The following NHSL2 variants were observed in gnomAD, a reference collection of about 807,000 sequenced individuals.
NHSL2 encodes NHS like 2.
Under a neutral mutation model 53.4 loss-of-function variants are expected in NHSL2, and 27 were observed. The observed-to-expected ratio is 0.51, with a 90% CI of 0.37 to 0.70. The LOEUF (loss-of-function observed/expected upper bound fraction) is 0.70. Among genes scored for constraint, NHSL2 ranks in the 30% least tolerant of loss-of-function variants. The probability of loss-of-function intolerance (pLI) is 0.00; values close to 1 mark genes in which losing one functional copy is unlikely to be tolerated. For missense variants in NHSL2, 892 were observed against 980.1 expected, an observed-to-expected ratio of 0.91 and a Z score of 1.20; for synonymous variants, 408 against 404.1, an observed-to-expected ratio of 1.01 and a Z score of -0.12.
chrX:72,071,521 A>G (rs1290594569), intron 1 of NHSL2, among the ~76,000 whole-genome samples: 1 of 111,821 alleles, frequency 8.9e-6, no homozygotes. Context: ...CGTAGTAGCT[A>G]TGGGAACAGC....
At chrX:72,084,454 G>A (rs1226497127) in intron 1 of NHSL2, among the ~76,000 whole-genome samples, 2 of 112,401 alleles carry the variant, frequency 1.8e-5, no homozygotes, top group Non-Finnish European at 3.8e-5. Flanking sequence ...GGACTATGAT[G>A]CTGTCCTAAT....
rs765436963 is a variant in NHSL2 at position 72,069,417 on chromosome X, A to AAG, written c.281-62646_281-62645dup. ...AAAGGGAGGGGGAGAGAGAGGGAGG[A>AAG]AGAGAGAGAGAGAGAGACTGAGAGA... On this transcript the variant is annotated intron_variant, in intron 1 of 7. Transcript: ENST00000633930. 1.3e-3 allele frequency among the ~76,000 whole-genome samples: 135 copies of AAG among 105,813 alleles called. 1 individual carries two copies. The highest frequency in any genetic ancestry group is 4.3e-3 in the African/African-American group (126 of 29,042). The allele number at this position is 105,813 out of a possible 115,157, so 91.9% of individuals were successfully genotyped here. A position where few individuals can be genotyped will look rare whatever the true frequency, so the allele number is the denominator to read the frequency against.
At chrX:71,954,916 T>A (rs1486573963) in intron 1 of NHSL2, among the ~76,000 whole-genome samples, 2 of 112,173 alleles carry the variant, frequency 1.8e-5, no homozygotes, top group East Asian at 5.6e-4. Context: ...TTAACCCTAT[T>A]CCCCTAAAAC....
chrX:72,016,072 C>T (rs1227828769), intron 1 of NHSL2, among the ~76,000 whole-genome samples: 1 of 112,226 alleles, frequency 8.9e-6, no homozygotes, highest in African/African-American at 3.2e-5. Flanking sequence ...ACCAAAGTCA[C>T]AAATATATAA....
chrX:72,142,305 T>C lies in NHSL2; in HGVS notation c.3297T>C (p.Asp1099=). 1.7e-6 allele frequency: 2 copies of C among 1,158,886 alleles called. No individual in the cohort carries two copies. Among genetic ancestry groups the C allele is most frequent in the Non-Finnish European group, 2.3e-6 (2 of 865,173 alleles). The change falls in exon 7 of 8, where the codon GAT becomes GAC. Residue 1099 remains aspartate, a synonymous_variant. Coordinates refer to ENST00000633930, the MANE Select transcript of NHSL2 (RefSeq NM_001013627.3). ...SDKTAEWIAE[D]DDDVFVASRT... ...AAACAGCTGAATGGATTGCAGAGGATGATGATGACGTGTTTGTGGCTTCAC... is the reference window on the plus strand; with the variant it reads ...AAACAGCTGAATGGATTGCAGAGGACGATGATGACGTGTTTGTGGCTTCAC...
intron 1 of NHSL2, among the ~76,000 whole-genome samples, chrX:71,931,411 T>C (rs2041712326): frequency 8.9e-6 from 1 of 112,462 alleles, no homozygotes; most frequent in Non-Finnish European, 1.9e-5. Context: ...TGCTTGTCCT[T>C]TTGCCATCAT....
intron 1 of NHSL2, among the ~76,000 whole-genome samples, chrX:72,050,890 CAAA>C (rs557133029): frequency 5.4e-4 from 51 of 93,823 alleles, no homozygotes; most frequent in Middle Eastern, 5.2e-3. Flanking sequence ...CTCCATCTAT[CAAA>C]AAAAAAAAAA....
chrX:71,977,324 C>G, intron 1 of NHSL2, among the ~76,000 whole-genome samples: 1 of 111,854 alleles, frequency 8.9e-6, no homozygotes, highest in Non-Finnish European at 1.9e-5. Context: ...TGAAAGCTCT[C>G]AGAACATTGC....
intron 1 of NHSL2, among the ~76,000 whole-genome samples, chrX:71,988,465 A>G (rs931857268): frequency 9.0e-6 from 1 of 111,219 alleles, no homozygotes; most frequent in Non-Finnish European, 1.9e-5. Flanking sequence ...CAACCCCCTA[A>G]ATCTTAGAAG....
At chrX:71,913,663 G>A (rs764870214) in intron 1 of NHSL2, among the ~76,000 whole-genome samples, 3 of 111,927 alleles carry the variant, frequency 2.7e-5, no homozygotes, top group Non-Finnish European at 5.6e-5. Context: ...AGAAACCTGG[G>A]AAGGTGGGAG....
intron 1 of NHSL2, among the ~76,000 whole-genome samples, chrX:72,116,674 A>G (rs1427897250): frequency 9.0e-6 from 1 of 111,365 alleles, no homozygotes; most frequent in Non-Finnish European, 1.9e-5. Flanking sequence ...ACTGGAGAAA[A>G]TCAAGCTCAA....
intron 1 of NHSL2, chrX:72,131,148 C>G (rs748579856): frequency 1.7e-6 from 2 of 1,185,487 alleles, no homozygotes; most frequent in Non-Finnish European, 2.3e-6. Flanking sequence ...CGGGCGGAGG[C>G]AGCGCCGGCG....
chrX:71,963,992 TGTATATAC>T lies in NHSL2; in HGVS notation c.280+52626_280+52633del, dbSNP rs1166775538. Among the ~76,000 whole-genome samples the T allele has an allele frequency of 6.7e-4, 36 of 54,038 alleles. 2 individuals are homozygous for T. The highest frequency in any genetic ancestry group is 1.2e-3 in the African/African-American group (13 of 10,943). The allele number at this position is 54,038 out of a possible 115,157, so 46.9% of individuals were successfully genotyped here. A position where few individuals can be genotyped will look rare whatever the true frequency, so the allele number is the denominator to read the frequency against. On this transcript the variant is annotated intron_variant, in intron 1 of 7. Transcript: ENST00000633930. ...ATATATACATATATATATATATATA[TGTATATAC>T]ATATATATATGTATATATATATATG...
intron 1 of NHSL2, chrX:72,129,697 A>G: frequency 1.6e-6 from 1 of 627,214 alleles, no homozygotes; most frequent in Non-Finnish European, 2.4e-6. Flanking sequence ...GGAATTCTGC[A>G]GGTCTTCTTC....
intron 1 of NHSL2, among the ~76,000 whole-genome samples, chrX:72,052,047 C>T (rs1315960577): frequency 1.8e-5 from 2 of 112,382 alleles, no homozygotes; most frequent in Admixed American, 9.4e-5. Context: ...AGCCTCTTGA[C>T]TCTTTTGCTT....
At chrX:71,946,318 G>C in intron 1 of NHSL2, among the ~76,000 whole-genome samples, 1 of 112,431 alleles carries the variant, frequency 8.9e-6, no homozygotes, top group Admixed American at 9.4e-5. Flanking sequence ...AGAGGGCATA[G>C]CCTGCCTGTT....
intron 1 of NHSL2, among the ~76,000 whole-genome samples, chrX:72,011,447 G>A (rs888731510): frequency 1.7e-4 from 19 of 112,336 alleles, no homozygotes; most frequent in Admixed American, 4.7e-4. Context: ...CAAGGTGGGC[G>A]GATCACGAGG....
intron 1 of NHSL2, among the ~76,000 whole-genome samples, chrX:71,923,469 T>A (rs906405924): frequency 1.8e-5 from 2 of 112,233 alleles, no homozygotes; most frequent in Non-Finnish European, 3.8e-5. Context: ...TTGAGACCCC[T>A]TTGCAGGGTA....
At chrX:72,121,657 CCGTAG>C (rs2042182340) in intron 1 of NHSL2, among the ~76,000 whole-genome samples, 1 of 111,972 alleles carries the variant, frequency 8.9e-6, no homozygotes, top group South Asian at 3.7e-4. Flanking sequence ...CAGCTTGTCC[CCGTAG>C]CTGACAGCGC....
Sources: gnomAD v4.1 joint callset for allele counts (sites outside exome capture counted in the v4.1 genomes callset) on GRCh38, gnomAD v4.1.1 for gene constraint, MANE v1.5 for transcripts, NCBI Gene and HGNC (gene_info 2026-07-23, HGNC 2026-07-21) for gene names.